Variants in FBXL17 observed in about 807,000 individuals in gnomAD.
The protein encoded by FBXL17 is F-box/LRR-repeat protein 17.
Under a neutral mutation model 66.2 loss-of-function variants are expected in FBXL17, and 22 were observed. The ratio of observed to expected loss-of-function variants is 0.33; its 90% CI spans 0.24 to 0.47. The LOEUF (loss-of-function observed/expected upper bound fraction) is 0.47. FBXL17 is among the 20% of genes least tolerant of loss of function. The pLI is 1.00. For missense variants in FBXL17, 878 were observed against 948.2 expected (o/e 0.93, Z 0.97); for synonymous variants, 474 against 400.5 (o/e 1.18, Z -2.19).
chr5:108,040,446 A>T (rs1042338730), intron 6 of FBXL17, among the ~76,000 whole-genome samples: 5 of 152,164 alleles, frequency 3.3e-5, no homozygotes, highest in African/African-American at 1.2e-4. Flanking sequence ...TTTTTAAAAA[A>T]CTAAGAATGT....
intron 3 of FBXL17, among the ~76,000 whole-genome samples, chr5:108,363,577 A>ATAAT (rs1466479942): frequency 6.6e-6 from 1 of 152,026 alleles, no homozygotes; most frequent in Non-Finnish European, 1.5e-5. Flanking sequence ...GAAGATTTAC[A>ATAAT]TAATTACTCT....
chr5:108,232,795 A>ATATATATATATATATATATATG (rs1554077855), intron 4 of FBXL17, among the ~76,000 whole-genome samples: 1 of 125,274 alleles, frequency 8.0e-6, no homozygotes, highest in Non-Finnish European at 1.6e-5. Flanking sequence ...ATATATATAT[A>ATATATATATATATATATATATG]TATATATATA....
chr5:107,982,503 G>T (rs1035554687), intron 7 of FBXL17, among the ~76,000 whole-genome samples: 1 of 151,790 alleles, frequency 6.6e-6, no homozygotes, highest in African/African-American at 2.4e-5. Context: ...AAATAACAAT[G>T]ATATTTCAGA....
intron 6 of FBXL17, among the ~76,000 whole-genome samples, chr5:108,154,648 CATATATGTATAT>C (rs1210189575): frequency 1.9e-4 from 22 of 116,190 alleles, no homozygotes; most frequent in South Asian, 6.2e-4. Flanking sequence ...CACACACACA[CATATATGTATAT>C]ACATATATAT....
chr5:108,346,109 C>T (rs760438612), intron 4 of FBXL17, among the ~76,000 whole-genome samples: 21 of 152,046 alleles, frequency 1.4e-4, no homozygotes, highest in Admixed American at 2.6e-4. Context: ...TTACTTAAAG[C>T]TATGGCTTCG....
intron 6 of FBXL17, among the ~76,000 whole-genome samples, chr5:108,140,186 T>C (rs1355630653): frequency 3.3e-5 from 5 of 152,092 alleles, no homozygotes; most frequent in Admixed American, 6.6e-5. Flanking sequence ...GTTGGGACTA[T>C]AGGCACATGT....
At chr5:108,220,368 G>T (rs908685910) in intron 5 of FBXL17, among the ~76,000 whole-genome samples, 1 of 152,058 alleles carries the variant, frequency 6.6e-6, no homozygotes, top group African/African-American at 2.4e-5. Flanking sequence ...CTGCAGTCTG[G>T]AAACTCTTTC....
chr5:108,168,537 T>C (rs955407841), intron 6 of FBXL17, among the ~76,000 whole-genome samples: 8 of 152,196 alleles, frequency 5.3e-5, no homozygotes, highest in Admixed American at 1.3e-4. Flanking sequence ...TTTCCATTAA[T>C]GGCCTAAGGA....
intron 7 of FBXL17, among the ~76,000 whole-genome samples, chr5:107,881,651 A>G (rs540413096): frequency 6.6e-6 from 1 of 152,272 alleles, no homozygotes; most frequent in South Asian, 2.1e-4. Flanking sequence ...TCTGTTCATG[A>G]CCTGTAAAAT....
intron 6 of FBXL17, among the ~76,000 whole-genome samples, chr5:108,140,436 A>G (rs545194401): frequency 1.8e-3 from 277 of 152,298 alleles, no homozygotes; most frequent in Non-Finnish European, 3.0e-3. Context: ...CTTAACCTTC[A>G]CAACTCTCTG....
At chr5:107,980,645 A>C (rs796179165) in intron 7 of FBXL17, among the ~76,000 whole-genome samples, 1 of 79,254 alleles carries the variant, frequency 1.3e-5, no homozygotes, top group Non-Finnish European at 2.2e-5. Flanking sequence ...CCAATAAAAT[A>C]ATATATATAT....
intron 7 of FBXL17, among the ~76,000 whole-genome samples, chr5:108,015,323 A>C (rs1179231471): frequency 6.6e-6 from 1 of 152,208 alleles, no homozygotes; most frequent in Non-Finnish European, 1.5e-5. Flanking sequence ...AAAAGTGTGA[A>C]TAATCAACAG....
intron 4 of FBXL17, among the ~76,000 whole-genome samples, chr5:108,288,109 T>G (rs1757970303): frequency 6.6e-6 from 1 of 151,720 alleles, no homozygotes; most frequent in Admixed American, 6.6e-5. Context: ...AGGGCCTACT[T>G]GAGGGTGGAA....
At chr5:108,078,627 A>G (rs1748644476) in intron 6 of FBXL17, among the ~76,000 whole-genome samples, 2 of 151,976 alleles carry the variant, frequency 1.3e-5, no homozygotes. Context: ...TTTACTCTCT[A>G]TTTTCTCCGA....
At chr5:108,214,954 A>G (rs1315653629) in intron 5 of FBXL17, among the ~76,000 whole-genome samples, 1 of 152,206 alleles carries the variant, frequency 6.6e-6, no homozygotes, top group East Asian at 1.9e-4. Flanking sequence ...TAAACAAATC[A>G]TATAGAAAAA....
chr5:108,321,706 T>A (rs905043298), intron 4 of FBXL17, among the ~76,000 whole-genome samples: 1 of 149,194 alleles, frequency 6.7e-6, no homozygotes. Flanking sequence ...TAAATGTAAA[T>A]AAATTTAAAA....
At chr5:107,937,596 A>G (rs550137058) in intron 7 of FBXL17, among the ~76,000 whole-genome samples, 19 of 152,302 alleles carry the variant, frequency 1.2e-4, no homozygotes, top group South Asian at 2.1e-4. Flanking sequence ...TCTAATCATG[A>G]GATGAACTTT....
intron 8 of FBXL17, among the ~76,000 whole-genome samples, chr5:107,869,399 C>T (rs1026913845): frequency 2.6e-5 from 4 of 152,142 alleles, no homozygotes; most frequent in Non-Finnish European, 5.9e-5. Flanking sequence ...TACCCACAGA[C>T]TCTAAGATGG....
chr5:108,050,573 T>C (rs1389440899), intron 6 of FBXL17, among the ~76,000 whole-genome samples: 1 of 152,140 alleles, frequency 6.6e-6, no homozygotes, highest in East Asian at 1.9e-4. Flanking sequence ...GGGAAATTTA[T>C]AGCACTAAAC....
Sources: allele counts gnomAD v4.1 joint callset (sites outside exome capture counted in the v4.1 genomes callset), GRCh38; gene constraint gnomAD v4.1.1; transcripts MANE v1.5; gene names NCBI Gene and HGNC (gene_info 2026-07-23, HGNC 2026-07-21).